The following FSTL4 variants were observed in gnomAD, a reference collection of about 807,000 sequenced individuals.
The protein encoded by FSTL4 is follistatin like 4.
In FSTL4, 28 loss-of-function variants were observed where a neutral mutation model predicts 78.2. The observed-to-expected ratio is 0.36, with a 90% CI of 0.27 to 0.49. The LOEUF (loss-of-function observed/expected upper bound fraction) is 0.49. Among genes scored for constraint, FSTL4 ranks in the 20% least tolerant of loss-of-function variants. The pLI is 0.98. For synonymous variants in FSTL4, 422 were observed against 440.5 expected (o/e 0.96, Z 0.53); for missense variants, 922 against 1,084.9 (o/e 0.85, Z 2.11).
the FSTL4 span, among the ~76,000 whole-genome samples, chr5:133,779,858 G>A: frequency 2.6e-5 from 4 of 152,214 alleles, no homozygotes; most frequent in Admixed American, 2.6e-4. Flanking sequence ...AAGAACCTGA[G>A]AGGAGGGGTT....
intron 12 of FSTL4, among the ~76,000 whole-genome samples, chr5:133,218,100 A>C (rs111735479): frequency 6.6e-6 from 1 of 152,152 alleles, no homozygotes; most frequent in Non-Finnish European, 1.5e-5. Context: ...TGGTTGTTCA[A>C]AATCAACTCT....
intron 3 of FSTL4, among the ~76,000 whole-genome samples, chr5:133,434,873 T>C (rs977189452): frequency 6.6e-6 from 1 of 152,314 alleles, no homozygotes; most frequent in Admixed American, 6.5e-5. Context: ...GTTCAGAATC[T>C]AATATTTAAT....
chr5:133,790,824 C>G, the FSTL4 span, among the ~76,000 whole-genome samples: 4 of 152,222 alleles, frequency 2.6e-5, no homozygotes, highest in African/African-American at 4.8e-5. Flanking sequence ...CACTTACCAC[C>G]TCCACGGCAT....
At chr5:133,821,654 CA>C in the FSTL4 span, among the ~76,000 whole-genome samples, 2 of 152,042 alleles carry the variant, frequency 1.3e-5, no homozygotes, top group Non-Finnish European at 2.9e-5. Flanking sequence ...CATGTGGGGA[CA>C]GGGAAGAGGG....
chr5:133,204,379 TTAG>T (rs1488568960), intron 14 of FSTL4, among the ~76,000 whole-genome samples: 1 of 152,202 alleles, frequency 6.6e-6, no homozygotes, highest in African/African-American at 2.4e-5. Context: ...AGAAACAATA[TTAG>T]GATATTATTT....
At chr5:133,819,596 C>A in the FSTL4 span, among the ~76,000 whole-genome samples, 1 of 152,184 alleles carries the variant, frequency 6.6e-6, no homozygotes, top group African/African-American at 2.4e-5. Flanking sequence ...CCGTTGGAGG[C>A]GCAGGCAGGT....
chr5:133,694,286 G>C, the FSTL4 span, among the ~76,000 whole-genome samples: 2 of 152,238 alleles, frequency 1.3e-5, no homozygotes, highest in Non-Finnish European at 2.9e-5. Flanking sequence ...GGCCCCATCT[G>C]TGAGTGCCAC....
chr5:133,215,372 T>C (rs1750873460), intron 13 of FSTL4, among the ~76,000 whole-genome samples: 1 of 152,228 alleles, frequency 6.6e-6, no homozygotes, highest in African/African-American at 2.4e-5. Context: ...ATGGTGACGA[T>C]ACCCAAATCG....
the FSTL4 span, among the ~76,000 whole-genome samples, chr5:133,697,010 C>T: frequency 6.6e-6 from 1 of 152,188 alleles, no homozygotes; most frequent in Non-Finnish European, 1.5e-5. Flanking sequence ...CTACCTCAGC[C>T]GCAGTGCCCG....
rs548617504 is a variant in FSTL4, at chr5:133,539,700, A to C, written c.160+27486T>G. 1.3e-4 allele frequency among the ~76,000 whole-genome samples: 20 copies of C among 152,150 alleles called. 1 individual carries two copies. The highest frequency in any genetic ancestry group is 4.8e-4 in the African/African-American group (20 of 41,440). On this transcript the variant is annotated intron_variant, in intron 3 of 15. Transcript: ENST00000265342. The stretch of plus-strand genomic sequence containing the variant: ...TTGAGTCTTTCTTCCTTTCCATACA[A>C]AGTAACCCATGTTAAGTAGTTTTCT...
chr5:133,230,999 T>A (rs917179083), intron 8 of FSTL4, among the ~76,000 whole-genome samples: 2 of 151,830 alleles, frequency 1.3e-5, no homozygotes, highest in Admixed American at 6.6e-5. Context: ...GGAGGTGGGG[T>A]AGGCGTCCTC....
At chr5:133,368,064 C>G (rs1002219562) in intron 4 of FSTL4, among the ~76,000 whole-genome samples, 3 of 152,238 alleles carry the variant, frequency 2.0e-5, no homozygotes, top group Non-Finnish European at 4.4e-5. Flanking sequence ...GGCCTTTGCC[C>G]CCTGCCCCTG....
intron 4 of FSTL4, among the ~76,000 whole-genome samples, chr5:133,360,642 A>C (rs779873377): frequency 1.1e-4 from 16 of 152,230 alleles, no homozygotes; most frequent in Non-Finnish European, 2.9e-5. Context: ...AAGAGATGAC[A>C]CATTTAAAAA....
chr5:133,385,405 A>T (rs1298739748), intron 4 of FSTL4, among the ~76,000 whole-genome samples: 1 of 152,102 alleles, frequency 6.6e-6, no homozygotes, highest in Non-Finnish European at 1.5e-5. Flanking sequence ...TGCCGGTACC[A>T]CTCATGGGTT....
At chr5:133,460,722 G>A (rs919568596) in intron 3 of FSTL4, among the ~76,000 whole-genome samples, 1 of 152,214 alleles carries the variant, frequency 6.6e-6, no homozygotes, top group African/African-American at 2.4e-5. Context: ...TAGTCACACT[G>A]CTGGCTGTGT....
At chr5:133,710,611 C>T in the FSTL4 span, among the ~76,000 whole-genome samples, 12 of 152,334 alleles carry the variant, frequency 7.9e-5, no homozygotes, top group Non-Finnish European at 1.6e-4. Context: ...TTTCTTTTCT[C>T]CTGGGTACTC....
intron 6 of FSTL4, among the ~76,000 whole-genome samples, chr5:133,301,922 A>T (rs1157346931): frequency 6.6e-6 from 1 of 152,066 alleles, no homozygotes; most frequent in Non-Finnish European, 1.5e-5. Context: ...TTGGCGACCA[A>T]ACTGCTGAGC....
At chr5:133,424,548 C>T (rs1441951666) in intron 3 of FSTL4, among the ~76,000 whole-genome samples, 1 of 152,198 alleles carries the variant, frequency 6.6e-6, no homozygotes, top group Non-Finnish European at 1.5e-5. Flanking sequence ...TTCTCTACGA[C>T]TTCCCTGGTT....
At chr5:133,376,700 C>T (rs1423410176) in intron 4 of FSTL4, among the ~76,000 whole-genome samples, 1 of 151,988 alleles carries the variant, frequency 6.6e-6, no homozygotes, top group African/African-American at 2.4e-5. Flanking sequence ...ACCAACCTGA[C>T]CAACATGGTG....
Sources: allele counts gnomAD v4.1 joint callset (sites outside exome capture counted in the v4.1 genomes callset), GRCh38; gene constraint gnomAD v4.1.1; transcripts MANE v1.5; gene names NCBI Gene and HGNC (gene_info 2026-07-23, HGNC 2026-07-21).